LINGO2: variants seen among roughly 807,000 people sequenced by gnomAD.
LINGO2 encodes the protein leucine rich repeat and Ig domain containing 2, also known as leucine-rich repeat and immunoglobulin-like domain-containing nogo receptor-interacting protein 2.
A neutral mutation model predicts 30.6 loss-of-function variants in LINGO2; 14 were observed. That is an observed-to-expected ratio of 0.46 (90% CI 0.30 to 0.72). LINGO2 has a LOEUF of 0.72. Ranked by LOEUF, LINGO2 falls within the 30% of genes least tolerant of loss-of-function variation. The pLI, the probability that LINGO2 is intolerant of heterozygous loss-of-function variation, is 0.07. For missense variants in LINGO2, 729 were observed against 751.7 expected, an observed-to-expected ratio of 0.97 and a Z score of 0.35; for synonymous variants, 317 against 288.5, an observed-to-expected ratio of 1.10 and a Z score of -1.00.
chr9:28,645,204 GA>G (rs1318797656), intron 1 of LINGO2, among the ~76,000 whole-genome samples: 1 of 151,754 alleles, frequency 6.6e-6, no homozygotes, highest in African/African-American at 2.4e-5. Context: ...TAATTAATTG[GA>G]AAAAAAGGGG....
chr9:29,206,668 T>C, the LINGO2 span, among the ~76,000 whole-genome samples: 1 of 152,202 alleles, frequency 6.6e-6, no homozygotes, highest in Non-Finnish European at 1.5e-5. Context: ...GAACAACAGA[T>C]ATTTAATAAG....
intron 1 of LINGO2, among the ~76,000 whole-genome samples, chr9:28,588,282 T>C (rs1043442120): frequency 2.0e-5 from 3 of 152,042 alleles, no homozygotes; most frequent in Non-Finnish European, 4.4e-5. Flanking sequence ...TGAAAAATGA[T>C]TGGAGAATGA....
Position 28,220,558 on chromosome 9 carries a change from T to C in LINGO2, c.-87+74650A>G, listed in dbSNP as rs150141095. ...TTTGACTAAAGGCTCTGAATACGGCTTAAAAAGAGTTGAACTTTTCAGATT... is the reference window on the plus strand; with the variant it reads ...TTTGACTAAAGGCTCTGAATACGGCCTAAAAAGAGTTGAACTTTTCAGATT... On this transcript the variant is annotated intron_variant, in intron 4 of 5. Transcript: ENST00000379992. 6.2e-3 allele frequency among the ~76,000 whole-genome samples: 942 copies of C among 152,330 alleles called. 20 individuals are homozygous for C. Among genetic ancestry groups the C allele is most frequent in the African/African-American group, 0.022 (905 of 41,578 alleles).
chr9:27,967,553 A>G (rs1820157519), intron 5 of LINGO2, among the ~76,000 whole-genome samples: 1 of 152,160 alleles, frequency 6.6e-6, no homozygotes, highest in Non-Finnish European at 1.5e-5. Context: ...TGATATTAAT[A>G]TGAATCTAGT....
At chr9:29,197,052 G>A in the LINGO2 span, among the ~76,000 whole-genome samples, 1 of 151,802 alleles carries the variant, frequency 6.6e-6, no homozygotes, top group African/African-American at 2.4e-5. Context: ...GTTTTAATAG[G>A]TAACCTCAAA....
chr9:28,117,209 C>A (rs1045918260), intron 4 of LINGO2, among the ~76,000 whole-genome samples: 1 of 151,952 alleles, frequency 6.6e-6, no homozygotes, highest in Non-Finnish European at 1.5e-5. Flanking sequence ...GGGTGCCTCC[C>A]AGTTAGGCTG....
intron 1 of LINGO2, among the ~76,000 whole-genome samples, chr9:28,632,851 AT>A (rs1354150731): frequency 3.5e-4 from 28 of 80,670 alleles, no homozygotes; most frequent in Non-Finnish European, 4.4e-4. Context: ...ATCTATATAT[AT>A]TTTTTATATA....
chr9:28,658,876 G>A (rs1828471737), intron 1 of LINGO2, among the ~76,000 whole-genome samples: 1 of 151,932 alleles, frequency 6.6e-6, no homozygotes, highest in African/African-American at 2.4e-5. Context: ...CACATTATTA[G>A]TTTAAGGGAA....
intron 1 of LINGO2, among the ~76,000 whole-genome samples, chr9:28,590,827 T>C (rs1824856986): frequency 6.6e-6 from 1 of 152,176 alleles, no homozygotes; most frequent in Non-Finnish European, 1.5e-5. Flanking sequence ...CAAAGGATTA[T>C]AAATCATGCT....
intron 2 of LINGO2, among the ~76,000 whole-genome samples, chr9:28,400,145 C>T (rs144225190): frequency 2.1e-4 from 32 of 152,166 alleles, no homozygotes; most frequent in African/African-American, 6.7e-4. Flanking sequence ...CCTTTGGCAC[C>T]GGAAAGACCA....
the LINGO2 span, among the ~76,000 whole-genome samples, chr9:28,768,729 T>C: frequency 6.6e-6 from 1 of 152,014 alleles, no homozygotes; most frequent in Non-Finnish European, 1.5e-5. Context: ...TGTCATCTCA[T>C]GAGTTTATAC....
At chr9:28,803,598 C>T in the LINGO2 span, among the ~76,000 whole-genome samples, 2 of 151,876 alleles carry the variant, frequency 1.3e-5, no homozygotes, top group African/African-American at 4.8e-5. Context: ...CTTTAACTTT[C>T]CTTAAGGGGG....
intron 1 of LINGO2, among the ~76,000 whole-genome samples, chr9:28,546,721 G>T (rs898971818): frequency 4.6e-5 from 7 of 152,074 alleles, no homozygotes; most frequent in African/African-American, 1.7e-4. Flanking sequence ...GCAGGAGAAA[G>T]AAGGGCAAGA....
intron 2 of LINGO2, among the ~76,000 whole-genome samples, chr9:28,430,109 C>CGCGCGTGT (rs569701444): frequency 1.6e-3 from 215 of 136,176 alleles, no homozygotes; most frequent in Middle Eastern, 3.8e-3. Context: ...CGCGCGCGCG[C>CGCGCGTGT]GTGTGTGTGT....
At chr9:28,691,398 T>C in the LINGO2 span, among the ~76,000 whole-genome samples, 1 of 152,156 alleles carries the variant, frequency 6.6e-6, no homozygotes, top group Admixed American at 6.6e-5. Flanking sequence ...GACTTTTTCA[T>C]TTTTCCCACA....
the LINGO2 span, among the ~76,000 whole-genome samples, chr9:28,777,092 C>T: frequency 3.3e-5 from 5 of 152,068 alleles, no homozygotes; most frequent in Admixed American, 6.6e-5. Flanking sequence ...CCTCCCCTTC[C>T]GCCATGATTG....
chr9:27,967,077 A>G (rs1201509366), intron 5 of LINGO2, among the ~76,000 whole-genome samples: 4 of 152,182 alleles, frequency 2.6e-5, no homozygotes, highest in African/African-American at 9.7e-5. Flanking sequence ...GAATGCACCT[A>G]GACATTTTAG....
At chr9:28,801,737 C>A in the LINGO2 span, among the ~76,000 whole-genome samples, 7 of 152,004 alleles carry the variant, frequency 4.6e-5, no homozygotes, top group African/African-American at 7.2e-5. Flanking sequence ...AACTGTGATA[C>A]ACTGGAGGAT....
chr9:27,971,079 CTT>C (rs932781108), intron 5 of LINGO2, among the ~76,000 whole-genome samples: 1 of 151,850 alleles, frequency 6.6e-6, no homozygotes, highest in East Asian at 1.9e-4. Flanking sequence ...TGGTTCTCCT[CTT>C]TTTATTTTTT....
Sources: allele counts gnomAD v4.1 joint callset (sites outside exome capture counted in the v4.1 genomes callset), GRCh38; gene constraint gnomAD v4.1.1; transcripts MANE v1.5; gene names NCBI Gene and HGNC (gene_info 2026-07-23, HGNC 2026-07-21).